Variants in KCNIP1 observed in about 807,000 individuals in gnomAD.
KCNIP1 encodes the protein potassium voltage-gated channel interacting protein 1.
A neutral mutation model predicts 33.0 loss-of-function variants in KCNIP1; 18 were observed. That is an observed-to-expected ratio of 0.55 (90% CI 0.38 to 0.81). The LOEUF is 0.81. KCNIP1 is among the 30% of genes least tolerant of loss of function. KCNIP1 has a pLI of 0.00. For missense variants in KCNIP1, 238 were observed against 271.6 expected (o/e 0.88, Z 0.87); for synonymous variants, 93 against 98.3 (o/e 0.95, Z 0.32).
chr5:170,364,986 T>C (rs1028623574), intron 1 of KCNIP1, among the ~76,000 whole-genome samples: 1 of 152,228 alleles, frequency 6.6e-6, no homozygotes, highest in African/African-American at 2.4e-5. Flanking sequence ...CTCTAGAGCT[T>C]GTTCATTCTC....
intron 1 of KCNIP1, among the ~76,000 whole-genome samples, chr5:170,705,503 A>T (rs1763229087): frequency 6.6e-6 from 1 of 152,218 alleles, no homozygotes; most frequent in Admixed American, 6.5e-5. Context: ...AGTGGCCATC[A>T]GTTGTTATGT....
At chr5:170,418,006 A>T (rs114616141) in intron 1 of KCNIP1, among the ~76,000 whole-genome samples, 1 of 152,160 alleles carries the variant, frequency 6.6e-6, no homozygotes, top group African/African-American at 2.4e-5. Flanking sequence ...TCTCTCTTCC[A>T]TGAGCACCAC....
chr5:170,558,141 A>C (rs944797752), intron 1 of KCNIP1, among the ~76,000 whole-genome samples: 7 of 152,102 alleles, frequency 4.6e-5, no homozygotes, highest in Admixed American at 2.0e-4. Flanking sequence ...TGGCAGCATC[A>C]CATTCCCCTC....
At chr5:170,595,139 G>A (rs1758400014) in intron 1 of KCNIP1, among the ~76,000 whole-genome samples, 1 of 152,186 alleles carries the variant, frequency 6.6e-6, no homozygotes, top group Non-Finnish European at 1.5e-5. Flanking sequence ...AGTCCTGAAT[G>A]ACAGGTATTC....
chr5:170,502,517 G>A (rs781587087), upstream of KCNIP1, among the ~76,000 whole-genome samples: 2 of 152,184 alleles, frequency 1.3e-5, no homozygotes, highest in Non-Finnish European at 2.9e-5. Flanking sequence ...TGCTGTGTGT[G>A]CGTCTGCATG....
chr5:170,480,875 A>G (rs1173040182), intron 1 of KCNIP1, among the ~76,000 whole-genome samples: 1 of 152,142 alleles, frequency 6.6e-6, no homozygotes, highest in East Asian at 1.9e-4. Context: ...TTCCAGGACT[A>G]TTAGTTGTAT....
intron 1 of KCNIP1, among the ~76,000 whole-genome samples, chr5:170,703,874 A>G (rs1763175972): frequency 7.3e-6 from 1 of 137,912 alleles, no homozygotes; most frequent in African/African-American, 2.7e-5. Flanking sequence ...TAGACATCAC[A>G]GAGGGAGTGA....
chr5:170,426,634 G>C (rs897703600), intron 1 of KCNIP1, among the ~76,000 whole-genome samples: 6 of 152,252 alleles, frequency 3.9e-5, no homozygotes, highest in Admixed American at 2.0e-4. Flanking sequence ...TCTGCACACA[G>C]AGGCTTAACA....
intron 1 of KCNIP1, among the ~76,000 whole-genome samples, chr5:170,623,222 C>CTT (rs1019710815): frequency 1.5e-5 from 2 of 136,886 alleles, no homozygotes; most frequent in Non-Finnish European, 3.2e-5. Flanking sequence ...TTTTTTTTTT[C>CTT]TTTTTTTTGA....
At chr5:170,577,890 T>C (rs1395186278) in intron 1 of KCNIP1, among the ~76,000 whole-genome samples, 2 of 152,234 alleles carry the variant, frequency 1.3e-5, no homozygotes, top group African/African-American at 2.4e-5. Context: ...TCCATGTTAT[T>C]CCATGTGACG....
intron 1 of KCNIP1, among the ~76,000 whole-genome samples, chr5:170,394,633 G>A (rs1289315218): frequency 6.6e-6 from 1 of 152,068 alleles, no homozygotes; most frequent in Non-Finnish European, 1.5e-5. Context: ...GGGGATACAC[G>A]TGCAGGTTTG....
At chr5:170,448,865 A>G (rs897951624) in intron 1 of KCNIP1, among the ~76,000 whole-genome samples, 6 of 152,244 alleles carry the variant, frequency 3.9e-5, no homozygotes, top group African/African-American at 1.2e-4. Flanking sequence ...ATACTCTATA[A>G]TTATGAAAAC....
chr5:170,700,037 C>A (rs1391804522), intron 1 of KCNIP1, among the ~76,000 whole-genome samples: 1 of 152,178 alleles, frequency 6.6e-6, no homozygotes, highest in Non-Finnish European at 1.5e-5. Flanking sequence ...GTGGTCCATG[C>A]CTGCCTCCCA....
At chr5:170,621,805 G>T (rs1199876519) in intron 1 of KCNIP1, among the ~76,000 whole-genome samples, 1 of 152,196 alleles carries the variant, frequency 6.6e-6, no homozygotes, top group East Asian at 1.9e-4. Context: ...CACTGCACCT[G>T]GCCTTATTCC....
chr5:170,507,328 T>C (rs1054423312), intron 1 of KCNIP1, among the ~76,000 whole-genome samples: 1 of 152,204 alleles, frequency 6.6e-6, no homozygotes, highest in Admixed American at 6.5e-5. Flanking sequence ...TTAAAATAGC[T>C]GTTGTGTTGT....
intron 1 of KCNIP1, among the ~76,000 whole-genome samples, chr5:170,568,977 C>T (rs970353228): frequency 2.0e-5 from 3 of 152,298 alleles, no homozygotes; most frequent in African/African-American, 7.2e-5. Context: ...CACCCAGCCT[C>T]CTCTGCTGGA....
At chr5:170,673,725 T>C (rs1261579609) in intron 1 of KCNIP1, among the ~76,000 whole-genome samples, 2 of 152,204 alleles carry the variant, frequency 1.3e-5, no homozygotes, top group Non-Finnish European at 2.9e-5. Context: ...CTGGGCTGTG[T>C]CCTCGCAGGG....
At chr5:170,427,333 G>T (rs1159274497) in intron 1 of KCNIP1, among the ~76,000 whole-genome samples, 2 of 152,146 alleles carry the variant, frequency 1.3e-5, no homozygotes, top group Non-Finnish European at 2.9e-5. Context: ...TAAGACTCTG[G>T]GCCAGGTTCT....
chr5:170,504,464 G>C lies in KCNIP1; in HGVS notation c.-109G>C. ...ATACCAAGCTGCAGGCGAGCTGCCGGGCGCTTTTCTCTCCTCCAATTCAGA... is the reference window on the plus strand; with the variant it reads ...ATACCAAGCTGCAGGCGAGCTGCCGCGCGCTTTTCTCTCCTCCAATTCAGA... On this transcript the variant is annotated 5_prime_UTR_variant, in exon 1 of 8. Coordinates refer to ENST00000328939, the MANE Select transcript of KCNIP1 (RefSeq NM_014592.4). This position sits in a 1 kb window ranked among gnomAD's most constrained non-coding sequence, Gnocchi z 6.0. 3 of 1,563,856 alleles carry C rather than the reference G, an allele frequency of 1.9e-6. No homozygotes were observed. Among genetic ancestry groups the C allele is most frequent in the Non-Finnish European group, 2.6e-6 (3 of 1,163,198 alleles).
Sources: gnomAD v4.1 joint callset for allele counts (sites outside exome capture counted in the v4.1 genomes callset) on GRCh38, gnomAD v4.1.1 for gene constraint, Gnocchi (gnomAD v3.1) non-coding constraint, MANE v1.5 for transcripts, NCBI Gene and HGNC (gene_info 2026-07-23, HGNC 2026-07-21) for gene names.